The following FRMPD3 variants were observed in gnomAD, a reference collection of about 807,000 sequenced individuals.
FRMPD3 encodes FERM and PDZ domain containing 3, also known as FERM and PDZ domain-containing protein 3.
A neutral mutation model predicts 97.9 loss-of-function variants in FRMPD3; 42 were observed. The ratio of observed to expected loss-of-function variants is 0.43; its 90% confidence interval spans 0.34 to 0.55. The LOEUF (loss-of-function observed/expected upper bound fraction) is 0.55, where lower values mean the gene tolerates loss of function less well. FRMPD3 is among the 20% of genes least tolerant of loss of function. FRMPD3 has a pLI of 0.03. For missense variants in FRMPD3, 1,303 were observed against 1,457.7 expected (o/e 0.89, Z 1.73); for synonymous variants, 577 against 581.1 (o/e 0.99, Z 0.10).
intron 1 of FRMPD3, among the ~76,000 whole-genome samples, chrX:107,492,319 A>T (rs956856812): frequency 8.9e-6 from 1 of 111,781 alleles, no homozygotes; most frequent in South Asian, 3.9e-4. Context: ...CTAGCTGTAG[A>T]TGAGGTCTAT....
chrX:107,562,260 G>A (rs1490883879), intron 10 of FRMPD3, among the ~76,000 whole-genome samples: 1 of 112,608 alleles, frequency 8.9e-6, no homozygotes, highest in Non-Finnish European at 1.9e-5. Context: ...GAAGATAGGG[G>A]CAAGAGAAGA....
chrX:107,449,965 G>GGAGGAGGAGGAA lies in FRMPD3; in HGVS notation c.-28_-17dup, dbSNP rs1026575426. 5.4e-5 allele frequency among the ~76,000 whole-genome samples: 6 copies of GGAGGAGGAGGAA among 110,818 alleles called. No individual in the cohort carries two copies. The highest frequency in any genetic ancestry group is 1.3e-4 in the African/African-American group (4 of 30,935). On this transcript the variant is annotated 5_prime_UTR_variant, in exon 1 of 15. Coordinates refer to ENST00000683843, the MANE Select transcript of FRMPD3 (RefSeq NM_001388459.1). The stretch of plus-strand genomic sequence containing the variant: ...CCGCTGAGGAGGCGGAGGAGGAGGA[G>GGAGGAGGAGGAA]GAGGAGGAGGAAGAGGAGGAGGAAG...
intron 1 of FRMPD3, among the ~76,000 whole-genome samples, chrX:107,486,986 T>C (rs984268796): frequency 9.1e-6 from 1 of 109,730 alleles, no homozygotes; most frequent in Non-Finnish European, 1.9e-5. Context: ...GGCTCACACC[T>C]GTAATCCCAG....
chrX:107,554,653 G>A, intron 8 of FRMPD3, 149 bp downstream of exon 8: 2 of 749,886 alleles, frequency 2.7e-6, no homozygotes, highest in East Asian at 3.5e-5. Context: ...TACCATCGTA[G>A]GCCATGGCCA....
rs1362339212 is a variant in FRMPD3 at position 107,564,762 on chromosome X, C to T, written c.1117-125C>T. The T allele has an allele frequency of 1.4e-5, 10 of 704,499 alleles. No homozygotes were observed. The East Asian group carries it at 2.3e-4, about 16-fold the overall frequency. The allele number at this position is 704,499 out of a possible 1,213,427, so 58.1% of individuals were successfully genotyped here. ...CAGGTTGTCCTACTGTGGCACTGAG[C>T]CCCAGATATTTTCAGACCCCACCAG... On this transcript the variant is annotated intron_variant, in intron 11 of 14. Coordinates refer to ENST00000683843, the MANE Select transcript of FRMPD3 (RefSeq NM_001388459.1).
At chrX:107,560,927 G>C in intron 10 of FRMPD3, 74 bp downstream of exon 10, 1 of 1,050,350 alleles carries the variant, frequency 9.5e-7, no homozygotes, top group Non-Finnish European at 1.3e-6. Context: ...TGGTTTCCCA[G>C]CAGAGTCTGG....
intron 1 of FRMPD3, among the ~76,000 whole-genome samples, chrX:107,470,148 G>A (rs1183487459): frequency 8.9e-6 from 1 of 112,624 alleles, no homozygotes; most frequent in Non-Finnish European, 1.9e-5. Flanking sequence ...GGATAAAGCA[G>A]AGCTTTGAGG....
chrX:107,521,686 AGCTTCCAGTAGAGT>A (rs1354671948), intron 1 of FRMPD3, among the ~76,000 whole-genome samples: 4 of 111,834 alleles, frequency 3.6e-5, no homozygotes, highest in African/African-American at 6.5e-5. Flanking sequence ...GGATCTCTAG[AGCTTCCAGTAGAGT>A]CAGGCTTCTG....
In FRMPD3 at chrX:107,554,268, A is replaced by G. The variant is rs900468201; in HGVS notation, c.643-117A>G. The G allele has an allele frequency of 1.2e-5, 9 of 776,139 alleles. No homozygotes were observed. The African/African-American group carries it at 1.7e-4, about 15-fold the overall frequency. The allele number at this position is 776,139 out of a possible 1,213,427, so 64.0% of individuals were successfully genotyped here. A position where few individuals can be genotyped will look rare whatever the true frequency, so the allele number is the denominator to read the frequency against. Reference sequence around the variant, plus strand: ...AGCCAGGTCGGAGACAGAGTAGGAAACAACAGCTTAGCTCTGCCCCAAGCC... The same window carrying G: ...AGCCAGGTCGGAGACAGAGTAGGAAGCAACAGCTTAGCTCTGCCCCAAGCC... On this transcript the variant is annotated intron_variant, in intron 7 of 14. Transcript: ENST00000683843.
chrX:107,515,760 G>T (rs969542547), intron 1 of FRMPD3, among the ~76,000 whole-genome samples: 2 of 111,431 alleles, frequency 1.8e-5, no homozygotes, highest in African/African-American at 6.5e-5. Context: ...GGAGAGATTG[G>T]TAATTTAGGA....
chrX:107,494,858 T>C (rs1312504334), intron 1 of FRMPD3, among the ~76,000 whole-genome samples: 1 of 111,766 alleles, frequency 8.9e-6, no homozygotes, highest in Non-Finnish European at 1.9e-5. Context: ...CTGGCTGTGA[T>C]GGCAGAGAGC....
chrX:107,500,234 G>A (rs989384424), intron 1 of FRMPD3, among the ~76,000 whole-genome samples: 1 of 111,841 alleles, frequency 8.9e-6, no homozygotes, highest in Non-Finnish European at 1.9e-5. Context: ...ATCCATAAGG[G>A]GTACTGCTAC....
chrX:107,536,568 C>G (rs1015257885), intron 4 of FRMPD3, among the ~76,000 whole-genome samples: 1 of 110,912 alleles, frequency 9.0e-6, no homozygotes, highest in Non-Finnish European at 1.9e-5. Flanking sequence ...AATCATGTAC[C>G]CGTTGAAGGG....
chrX:107,556,210 T>G (rs2147589376), intron 8 of FRMPD3, among the ~76,000 whole-genome samples: 1 of 111,510 alleles, frequency 9.0e-6, no homozygotes, highest in Admixed American at 9.6e-5. Context: ...ACCTAAAATG[T>G]TAGGAACGTT....
intron 1 of FRMPD3, among the ~76,000 whole-genome samples, chrX:107,516,720 G>C (rs774367398): frequency 9.1e-6 from 1 of 110,106 alleles, no homozygotes; most frequent in African/African-American, 3.3e-5. Flanking sequence ...TGTTGATGGG[G>C]TTGTTTTTTT....
chrX:107,598,209 A>T (rs1337255836), intron 14 of FRMPD3, 67 bp downstream of exon 14: 1 of 955,048 alleles, frequency 1.0e-6, no homozygotes, highest in Non-Finnish European at 1.5e-6. Flanking sequence ...AGTAGGTAAC[A>T]TTGTGTCTTC....
chrX:107,450,213 C>G (rs1191984239), intron 1 of FRMPD3, among the ~76,000 whole-genome samples: 2 of 111,236 alleles, frequency 1.8e-5, no homozygotes, highest in East Asian at 2.9e-4. Context: ...GTGCCCACTG[C>G]CCCGGCGAGT....
At chrX:107,590,267 C>G (rs1923845211) in intron 13 of FRMPD3, among the ~76,000 whole-genome samples, 1 of 111,863 alleles carries the variant, frequency 8.9e-6, no homozygotes, top group Admixed American at 9.5e-5. Context: ...ATCTTAATTC[C>G]TAATTGCCCC....
intron 1 of FRMPD3, among the ~76,000 whole-genome samples, chrX:107,509,062 G>A (rs757677921): frequency 1.7e-3 from 186 of 111,706 alleles, no homozygotes; most frequent in Non-Finnish European, 3.8e-4. Flanking sequence ...GTATTGCTGT[G>A]CTCATTGATA....
Sources: gnomAD v4.1 joint callset for allele counts (sites outside exome capture counted in the v4.1 genomes callset) on GRCh38, gnomAD v4.1.1 for gene constraint, MANE v1.5 for transcripts, NCBI Gene and HGNC (gene_info 2026-07-23, HGNC 2026-07-21) for gene names.